PDCD1LG2: variants seen among roughly 807,000 people sequenced by gnomAD.
The protein encoded by PDCD1LG2 is programmed cell death 1 ligand 2, also known as B7 dendritic cell molecule.
In PDCD1LG2, 32 loss-of-function variants were observed where a neutral mutation model predicts 28.2. That is an observed-to-expected ratio of 1.13 (90% CI 0.86 to 1.52). The LOEUF (loss-of-function observed/expected upper bound fraction) is 1.52. Ranked by LOEUF, PDCD1LG2 falls within the 40% of genes most tolerant of loss-of-function variation. PDCD1LG2 has a pLI of 0.00. For missense variants in PDCD1LG2, 385 were observed against 323.8 expected, an observed-to-expected ratio of 1.19 and a Z score of -1.45; for synonymous variants, 116 against 120.2, an observed-to-expected ratio of 0.97 and a Z score of 0.23.
In PDCD1LG2 at chr9:5,534,836, T is replaced by G; in HGVS notation, c.147T>G (p.His49Gln). 1.2e-6 allele frequency: 2 copies of G among 1,614,152 alleles called. No homozygotes were observed. Among genetic ancestry groups the G allele is most frequent in the South Asian group, 1.1e-5 (1 of 91,078 alleles). Residue 49 changes from histidine to glutamine, a missense_variant, in exon 3 of 7, where the codon CAT becomes CAG. By Grantham distance (24) the His-to-Gln change is conservative (BLOSUM62 0). Coordinates refer to ENST00000397747, the MANE Select transcript of PDCD1LG2 (RefSeq NM_025239.4). Reference protein sequence around the residue: ...TLECNFDTGSHVNLGAITASL... With the variant: ...TLECNFDTGSQVNLGAITASL... Reference sequence around the variant, plus strand: ...AATGCAACTTTGACACTGGAAGTCATGTGAACCTTGGAGCAATAACAGCCA... The same window carrying G: ...AATGCAACTTTGACACTGGAAGTCAGGTGAACCTTGGAGCAATAACAGCCA...
intron 2 of PDCD1LG2, among the ~76,000 whole-genome samples, chr9:5,524,034 T>C (rs916098683): frequency 2.0e-5 from 3 of 152,198 alleles, no homozygotes; most frequent in Admixed American, 1.3e-4. Context: ...TTAGGTATAC[T>C]AATGGGGCAA....
At chr9:5,527,860 G>A (rs766582802) in intron 2 of PDCD1LG2, among the ~76,000 whole-genome samples, 4 of 151,222 alleles carry the variant, frequency 2.6e-5, no homozygotes, top group Non-Finnish European at 5.9e-5. Flanking sequence ...ACAGAGTTTC[G>A]CTCTGTCACC....
chr9:5,559,816 C>T (rs373343463), intron 5 of PDCD1LG2, among the ~76,000 whole-genome samples: 11 of 152,166 alleles, frequency 7.2e-5, no homozygotes, highest in Non-Finnish European at 1.0e-4. Context: ...GAAGTTCCAA[C>T]GAGCCCAGGA....
chr9:5,524,130 C>T (rs185727406), intron 2 of PDCD1LG2, among the ~76,000 whole-genome samples: 245 of 152,288 alleles, frequency 1.6e-3, no homozygotes, highest in Non-Finnish European at 2.9e-3. Context: ...TTCATTTAAT[C>T]TTCACAATGA....
rs1365974810 is a variant in PDCD1LG2, at chr9:5,561,235, A to T, written c.767-1927A>T. ...CACACACTGTAAGTGCTCAATAGCCATGTACAGATAATTGCTCCTGTATTG... is the reference window on the plus strand; with the variant it reads ...CACACACTGTAAGTGCTCAATAGCCTTGTACAGATAATTGCTCCTGTATTG... On this transcript the variant is annotated intron_variant, in intron 5 of 6. Transcript: ENST00000397747. Among the ~76,000 whole-genome samples, 5 of 152,214 alleles carry T rather than the reference A, an allele frequency of 3.3e-5. No individual in the cohort carries two copies. In the East Asian group the frequency reaches 9.6e-4, roughly 29 times the overall value.
In PDCD1LG2 at chr9:5,569,529, G is replaced by C. The variant is rs1357437347; in HGVS notation, c.817-425G>C. Among the ~76,000 whole-genome samples the C allele has an allele frequency of 1.3e-5, 2 of 152,200 alleles. No homozygotes were observed. The highest frequency in any genetic ancestry group is 1.5e-5 in the Non-Finnish European group (1 of 68,042). ...TTCCCCTAGACTGAGCCCAGTCAAA[G>C]ACAGAGGGAGGAGCCCAGTGATGCA... On this transcript the variant is annotated intron_variant, in intron 6 of 6. Transcript: ENST00000397747. The surrounding 1 kb of genome is among the most constrained non-coding windows in gnomAD (Gnocchi z 4.1).
At chr9:5,537,014 A>G (rs1286560010) in intron 3 of PDCD1LG2, among the ~76,000 whole-genome samples, 1 of 152,256 alleles carries the variant, frequency 6.6e-6, no homozygotes, top group East Asian at 1.9e-4. Flanking sequence ...GATTGGGAAC[A>G]TTGACACCTG....
At position 5,534,938 on chromosome 9, in the gene PDCD1LG2, G is replaced by A. The variant is rs1820551887; in HGVS notation, c.249G>A (p.Gly83=). 1 of 1,614,118 alleles carries A rather than the reference G, an allele frequency of 6.2e-7. No individual in the cohort carries two copies. The highest frequency in any genetic ancestry group is 1.7e-5 in the Admixed American group (1 of 60,020). The change falls in exon 3 of 7, where the codon GGG becomes GGA. Residue 83 remains glycine (G), a synonymous_variant. Coordinates refer to ENST00000397747, the MANE Select transcript of PDCD1LG2 (RefSeq NM_025239.4). ...ATLLEEQLPL[G]KASFHIPQVQ... The stretch of plus-strand genomic sequence containing the variant: ...TGCTGGAGGAGCAGCTGCCCCTAGG[G>A]AAGGCCTCGTTCCACATACCTCAAG...
chr9:5,569,688 G>A lies in PDCD1LG2; in HGVS notation c.817-266G>A, dbSNP rs2129973677. On this transcript the variant is annotated intron_variant, in intron 6 of 6. Coordinates refer to ENST00000397747, the MANE Select transcript of PDCD1LG2 (RefSeq NM_025239.4). The surrounding 1 kb of genome is among the most constrained non-coding windows in gnomAD (Gnocchi z 4.1). Reference sequence around the variant, plus strand: ...TGAATAGGAGAGGCCCCTGAAATGTGCTCCAATATTACTGAACTATGTGTG... The same window carrying A: ...TGAATAGGAGAGGCCCCTGAAATGTACTCCAATATTACTGAACTATGTGTG... Among the ~76,000 whole-genome samples the A allele has an allele frequency of 6.6e-6, 1 of 152,300 alleles. No homozygotes were observed. The highest frequency in any genetic ancestry group is 2.4e-5 in the African/African-American group (1 of 41,562).
At chr9:5,566,237 T>C (rs1186433260) in intron 6 of PDCD1LG2, among the ~76,000 whole-genome samples, 1 of 152,246 alleles carries the variant, frequency 6.6e-6, no homozygotes, top group African/African-American at 2.4e-5. Flanking sequence ...ATGAATATTT[T>C]CCCTTCCAAC....
At chr9:5,527,338 C>T (rs576356427) in intron 2 of PDCD1LG2, among the ~76,000 whole-genome samples, 8 of 152,330 alleles carry the variant, frequency 5.3e-5, no homozygotes, top group African/African-American at 1.9e-4. Flanking sequence ...TAAGTCCAGG[C>T]ACTTACTGAT....
chr9:5,568,501 T>A (rs1816710394), intron 6 of PDCD1LG2, among the ~76,000 whole-genome samples: 1 of 152,094 alleles, frequency 6.6e-6, no homozygotes, highest in Non-Finnish European at 1.5e-5. Flanking sequence ...CTACCCCCAC[T>A]CCCACACCCA....
At position 5,560,736 on chromosome 9, in the gene PDCD1LG2, G is replaced by C. The variant is rs183536881; in HGVS notation, c.767-2426G>C. The stretch of plus-strand genomic sequence containing the variant: ...GCAAAGTTAAGTAAAGAAGCAGCAG[G>C]CTTGGTCCCTTTCCTTCCAGATGGC... On this transcript the variant is annotated intron_variant, in intron 5 of 6. Transcript: ENST00000397747. Among the ~76,000 whole-genome samples the C allele has an allele frequency of 1.2e-3, 178 of 151,930 alleles. 1 individual carries two copies. Among genetic ancestry groups the C allele is most frequent in the African/African-American group, 3.9e-3 (159 of 41,226 alleles).
intron 3 of PDCD1LG2, among the ~76,000 whole-genome samples, chr9:5,537,369 A>G (rs558724711): frequency 2.6e-4 from 39 of 152,358 alleles, no homozygotes; most frequent in African/African-American, 9.4e-4. Flanking sequence ...AGCCATATCC[A>G]TCTTATTAAG....
intron 2 of PDCD1LG2, among the ~76,000 whole-genome samples, chr9:5,525,258 T>G (rs920545459): frequency 6.6e-6 from 1 of 150,860 alleles, no homozygotes; most frequent in African/African-American, 2.4e-5. Flanking sequence ...GGCAGAAAAA[T>G]TGCTTGAACC....
At chr9:5,531,015 A>T (rs1361713454) in intron 2 of PDCD1LG2, among the ~76,000 whole-genome samples, 1 of 152,254 alleles carries the variant, frequency 6.6e-6, no homozygotes, top group Non-Finnish European at 1.5e-5. Flanking sequence ...TTGTGTAACT[A>T]ATGGTTCGCA....
At chr9:5,520,699 T>C (rs1820256559) in intron 1 of PDCD1LG2, among the ~76,000 whole-genome samples, 1 of 152,100 alleles carries the variant, frequency 6.6e-6, no homozygotes, top group Non-Finnish European at 1.5e-5. Flanking sequence ...AAAATCAAAA[T>C]TAAATTAAAA....
chr9:5,565,962 C>A (rs1816657740), intron 6 of PDCD1LG2, among the ~76,000 whole-genome samples: 1 of 152,080 alleles, frequency 6.6e-6, no homozygotes, highest in East Asian at 1.9e-4. Flanking sequence ...AATTTAGAAT[C>A]CATTGCCTAG....
intron 3 of PDCD1LG2, among the ~76,000 whole-genome samples, chr9:5,543,736 A>G (rs1233007021): frequency 1.3e-5 from 2 of 152,178 alleles, no homozygotes; most frequent in African/African-American, 2.4e-5. Flanking sequence ...AGAAGGGTGT[A>G]AGAAAATCGG....
Sources: allele counts gnomAD v4.1 joint callset (sites outside exome capture counted in the v4.1 genomes callset), GRCh38; gene constraint gnomAD v4.1.1; non-coding constraint Gnocchi (gnomAD v3.1); transcripts MANE v1.5; gene names NCBI Gene and HGNC (gene_info 2026-07-23, HGNC 2026-07-21).